NBEAL1: variants seen among roughly 807,000 people sequenced by gnomAD.
The protein encoded by NBEAL1 is neurobeachin-like protein 1.
Under a neutral mutation model 351.3 loss-of-function variants are expected in NBEAL1, and 273 were observed. The observed-to-expected ratio is 0.78, with a 90% CI of 0.70 to 0.86. NBEAL1 has a LOEUF of 0.86. NBEAL1 is among the 40% of genes least tolerant of loss of function. The pLI is 0.00. For synonymous variants in NBEAL1, 1,050 were observed against 1,086.4 expected (o/e 0.97, Z 0.66); for missense variants, 2,961 against 3,201.3 (o/e 0.92, Z 1.81).
intron 7 of NBEAL1, among the ~76,000 whole-genome samples, chr2:203,075,637 T>G (rs1035664930): frequency 2.0e-5 from 3 of 152,234 alleles, no homozygotes; most frequent in East Asian, 3.9e-4. Flanking sequence ...AGTACTCTGC[T>G]TTACAAATTC....
At chr2:203,096,086 T>G (rs941400684) in intron 10 of NBEAL1, among the ~76,000 whole-genome samples, 1 of 152,226 alleles carries the variant, frequency 6.6e-6, no homozygotes, top group African/African-American at 2.4e-5. Context: ...GTCTCTGTTA[T>G]GTGCCAGATA....
intron 35 of NBEAL1, among the ~76,000 whole-genome samples, chr2:203,152,488 G>A (rs1303885186): frequency 6.6e-6 from 1 of 151,558 alleles, no homozygotes; most frequent in African/African-American, 2.4e-5. Context: ...TACTCAGGAG[G>A]CTGAGGCAGG....
At chr2:203,116,879 A>T (rs991749626) in intron 18 of NBEAL1, among the ~76,000 whole-genome samples, 1 of 151,848 alleles carries the variant, frequency 6.6e-6, no homozygotes, top group African/African-American at 2.4e-5. Flanking sequence ...AGGTGGGCGG[A>T]TCACCTGAGG....
At position 203,136,210 on chromosome 2, in the gene NBEAL1, T is replaced by C. The variant is rs1163533049; in HGVS notation, c.4347T>C (p.Asp1449=). Residue 1449 remains aspartate (D), a synonymous_variant, in exon 28 of 56, where the codon GAT becomes GAC. Transcript: ENST00000683969. ...ACAGAGAAAGCAGCATCACAAATGA[T>C]ATGGGCTTTAGTGATGACTTCTCTT... is the stretch of plus-strand genomic sequence containing the variant. The part of the protein sequence containing the change: ...HSDRESSITN[D]MGFSDDFSLL... 8 of 1,607,108 alleles carry C rather than the reference T, an allele frequency of 5.0e-6. No homozygotes were observed. The highest frequency in any genetic ancestry group is 5.1e-6 in the Non-Finnish European group (6 of 1,178,126).
chr2:203,092,028 T>C (rs1275054584), intron 10 of NBEAL1, among the ~76,000 whole-genome samples: 1 of 152,230 alleles, frequency 6.6e-6, no homozygotes, highest in East Asian at 1.9e-4. Context: ...AGGAACTTAA[T>C]TTATTTCCAA....
At chr2:203,024,275 G>A (rs184025534) in intron 2 of NBEAL1, among the ~76,000 whole-genome samples, 15 of 151,916 alleles carry the variant, frequency 9.9e-5, no homozygotes, top group Middle Eastern at 3.4e-3. Flanking sequence ...AAAGTATTAC[G>A]GTCCGCATCT....
intron 44 of NBEAL1, among the ~76,000 whole-genome samples, chr2:203,187,777 A>G (rs2064950463): frequency 6.6e-6 from 1 of 152,132 alleles, no homozygotes; most frequent in Non-Finnish European, 1.5e-5. Context: ...TCACTTTTTA[A>G]CCGATCTTAC....
intron 3 of NBEAL1, 69 bp from the exon 4 acceptor site, chr2:203,049,745 C>T: frequency 7.4e-7 from 1 of 1,354,114 alleles, no homozygotes. Flanking sequence ...AAATGAAGTT[C>T]ATTTAAATGC....
intron 38 of NBEAL1, among the ~76,000 whole-genome samples, chr2:203,168,669 C>A (rs1400909082): frequency 6.6e-6 from 1 of 151,958 alleles, no homozygotes; most frequent in Non-Finnish European, 1.5e-5. Context: ...GCCAAGGTGG[C>A]TGGATCACGA....
In NBEAL1 at chr2:203,224,453, C is replaced by G. The variant is rs1575145114; in HGVS notation, c.*7099C>G. On this transcript the variant is annotated 3_prime_UTR_variant, in exon 56 of 56. Coordinates refer to ENST00000683969, the MANE Select transcript of NBEAL1 (RefSeq NM_001378026.1). ...CAGATTCATTGCTATAAAAATGAAT[C>G]TACTGAGGCATAAAAATATGAAACA... Among the ~76,000 whole-genome samples, 1 of 152,082 alleles carries G rather than the reference C, an allele frequency of 6.6e-6. No homozygotes were observed.
chr2:203,083,162 A>T (rs2061902418), intron 8 of NBEAL1, 57 bp from the exon 9 acceptor site: 1 of 1,414,202 alleles, frequency 7.1e-7, no homozygotes, highest in Non-Finnish European at 9.4e-7. Flanking sequence ...TCATTATTGC[A>T]AACATACACA....
At position 203,135,896 on chromosome 2, in the gene NBEAL1, A is replaced by G. The variant is rs765978343; in HGVS notation, c.4033A>G (p.Ile1345Val). ...NSDEKTDEEK[I>V]TSFASANVSS... ...TGATGAAAAAACAGATGAGGAAAAA[A>G]TCACCTCTTTTGCCTCAGCTAATGT... is the stretch of plus-strand genomic sequence containing the variant. Residue 1345 changes from isoleucine (I) to valine (V), a missense_variant, in exon 28 of 56, where the codon ATC becomes GTC. Coordinates refer to ENST00000683969, the MANE Select transcript of NBEAL1 (RefSeq NM_001378026.1). The G allele has an allele frequency of 2.5e-6, 4 of 1,614,164 alleles. No individual in the cohort carries two copies. The highest frequency in any genetic ancestry group is 3.4e-6 in the Non-Finnish European group (4 of 1,180,002).
chr2:203,210,047 A>G (rs1042884414), intron 53 of NBEAL1, among the ~76,000 whole-genome samples: 1 of 152,044 alleles, frequency 6.6e-6, no homozygotes, highest in East Asian at 1.9e-4. Flanking sequence ...CACCATGCCC[A>G]GCCTAAGCTT....
At chr2:203,195,524 C>A (rs2065216748) in intron 47 of NBEAL1, among the ~76,000 whole-genome samples, 1 of 152,160 alleles carries the variant, frequency 6.6e-6, no homozygotes, top group African/African-American at 2.4e-5. Context: ...TTGGGAGTCT[C>A]CAAGACTACC....
intron 2 of NBEAL1, among the ~76,000 whole-genome samples, chr2:203,029,596 G>A (rs1373873080): frequency 1.3e-5 from 2 of 151,676 alleles, no homozygotes; most frequent in Non-Finnish European, 2.9e-5. Context: ...GGAGGCCGAA[G>A]TGGGAGAATC....
intron 35 of NBEAL1, 29 bp downstream of exon 35, chr2:203,151,618 G>A (rs752142303): frequency 6.4e-7 from 1 of 1,565,490 alleles, no homozygotes; most frequent in South Asian, 1.2e-5. Flanking sequence ...TTAATTGTTT[G>A]TTGAAGATAA....
chr2:203,056,959 A>G (rs879677942), intron 5 of NBEAL1, among the ~76,000 whole-genome samples: 22 of 152,362 alleles, frequency 1.4e-4, no homozygotes, highest in Admixed American at 5.9e-4. Flanking sequence ...TGGGTAATGC[A>G]TATTTCAGAA....
intron 24 of NBEAL1, among the ~76,000 whole-genome samples, chr2:203,129,531 TA>T (rs1484921154): frequency 2.0e-5 from 3 of 152,222 alleles, no homozygotes; most frequent in Non-Finnish European, 4.4e-5. Context: ...TTGCCAACAA[TA>T]TTTTTTTTGG....
rs185218675 is a variant in NBEAL1 at position 203,194,029 on chromosome 2, A to T, written c.7038+118A>T. 1.7e-5 allele frequency: 9 copies of T among 538,136 alleles called. No individual in the cohort carries two copies. The Admixed American group carries it at 3.1e-4, about 19-fold the overall frequency. The allele number at this position is 538,136 out of a possible 1,614,324, so 33.3% of individuals were successfully genotyped here. ...AATATTTAATTCAAGATAGTAAATTATACTGTAATAATCTGTTGTTGGATT... is the reference window on the plus strand; with the variant it reads ...AATATTTAATTCAAGATAGTAAATTTTACTGTAATAATCTGTTGTTGGATT... On this transcript the variant is annotated intron_variant, in intron 47 of 55. Transcript: ENST00000683969.
Sources: allele counts gnomAD v4.1 joint callset (sites outside exome capture counted in the v4.1 genomes callset), GRCh38; gene constraint gnomAD v4.1.1; transcripts MANE v1.5; gene names NCBI Gene and HGNC (gene_info 2026-07-23, HGNC 2026-07-21).